The following SLC25A13 variants were observed in gnomAD, a reference collection of about 807,000 sequenced individuals.
SLC25A13 encodes the protein electrogenic aspartate/glutamate antiporter SLC25A13, mitochondrial.
In SLC25A13, 70 loss-of-function variants were observed where a neutral mutation model predicts 85.5. The observed-to-expected ratio is 0.82, with a 90% CI of 0.68 to 1.00. The LOEUF is 1.00. Ranked by LOEUF, SLC25A13 falls within the 50% of genes least tolerant of loss-of-function variation. SLC25A13 has a pLI of 0.00. For synonymous variants in SLC25A13, 259 were observed against 288.7 expected, an observed-to-expected ratio of 0.90 and a Z score of 1.04; for missense variants, 765 against 819.8, an observed-to-expected ratio of 0.93 and a Z score of 0.82.
intron 2 of SLC25A13, among the ~76,000 whole-genome samples, chr7:96,289,812 T>C (rs1199333175): frequency 6.6e-6 from 1 of 151,982 alleles, no homozygotes. Context: ...ATGGGGAGAA[T>C]GAAACCAAGT....
chr7:96,209,064 C>G (rs1382905084), intron 4 of SLC25A13, 87 bp from the exon 5 acceptor site: 1 of 1,344,854 alleles, frequency 7.4e-7, no homozygotes, highest in Non-Finnish European at 1.0e-6. Context: ...ATCGCTTTTT[C>G]TTATTAAAAA....
At chr7:96,222,803 G>T (rs905482280) in intron 4 of SLC25A13, among the ~76,000 whole-genome samples, 1 of 152,114 alleles carries the variant, frequency 6.6e-6, no homozygotes, top group Non-Finnish European at 1.5e-5. Flanking sequence ...ACAGAAAAAT[G>T]TATTTTCCAA....
At chr7:96,239,519 C>T (rs980201128) in intron 3 of SLC25A13, among the ~76,000 whole-genome samples, 1 of 152,076 alleles carries the variant, frequency 6.6e-6, no homozygotes, top group African/African-American at 2.4e-5. Flanking sequence ...TCCTTTTCCA[C>T]CCGCAACTCC....
At position 96,274,409 on chromosome 7, in the gene SLC25A13, C is replaced by A. The variant is rs564357730; in HGVS notation, c.212+2787G>T. On this transcript the variant is annotated intron_variant, in intron 3 of 17. Coordinates refer to ENST00000265631, the MANE Select transcript of SLC25A13 (RefSeq NM_014251.3). The stretch of plus-strand genomic sequence containing the variant: ...GTTCATTGTAGATTCTGGATATTAG[C>A]CCTTTGTCAGATGAGTAGATTGAAA... 3.9e-5 allele frequency among the ~76,000 whole-genome samples: 6 copies of A among 152,140 alleles called. No individual in the cohort carries two copies. The South Asian group carries it at 1.2e-3, about 32-fold the overall frequency.
At chr7:96,179,389 GTCTA>G (rs753777336) in intron 11 of SLC25A13, among the ~76,000 whole-genome samples, 5 of 152,162 alleles carry the variant, frequency 3.3e-5, no homozygotes, top group African/African-American at 7.2e-5. Flanking sequence ...ATACCTACAC[GTCTA>G]TCTTTTTGTC....
At chr7:96,314,131 AAGG>A (rs925984062) in intron 1 of SLC25A13, among the ~76,000 whole-genome samples, 7 of 152,172 alleles carry the variant, frequency 4.6e-5, no homozygotes, top group Admixed American at 1.3e-4. Flanking sequence ...AGGAGGAAGG[AAGG>A]AGGAGAAAGG....
At chr7:96,320,477 T>TTC (rs1800298728) in intron 1 of SLC25A13, among the ~76,000 whole-genome samples, 1 of 152,152 alleles carries the variant, frequency 6.6e-6, no homozygotes, top group Non-Finnish European at 1.5e-5. Context: ...TCTAGGGAAT[T>TTC]AGTTCATACC....
intron 3 of SLC25A13, among the ~76,000 whole-genome samples, chr7:96,253,248 C>T (rs1797504041): frequency 6.6e-6 from 1 of 151,880 alleles, no homozygotes; most frequent in Admixed American, 6.6e-5. Context: ...TGTTTGCCAC[C>T]AGGAAAGATG....
At chr7:96,317,433 T>G (rs765572500) in intron 1 of SLC25A13, among the ~76,000 whole-genome samples, 24 of 152,062 alleles carry the variant, frequency 1.6e-4, no homozygotes, top group South Asian at 8.3e-4. Context: ...GAAACACATT[T>G]GGAACTGAAT....
intron 14 of SLC25A13, among the ~76,000 whole-genome samples, chr7:96,143,011 C>T (rs986637887): frequency 2.6e-5 from 4 of 152,206 alleles, no homozygotes; most frequent in African/African-American, 9.6e-5. Context: ...CAGACAGAGT[C>T]CATATTCCTA....
chr7:96,171,622 A>C, intron 11 of SLC25A13, 98 bp from the exon 12 acceptor site: 1 of 1,019,496 alleles, frequency 9.8e-7, no homozygotes, highest in South Asian at 1.4e-5. Context: ...AAAACTGCTT[A>C]ATCTCTGCTG....
intron 3 of SLC25A13, among the ~76,000 whole-genome samples, chr7:96,254,325 A>G (rs910689469): frequency 1.1e-4 from 17 of 152,158 alleles, no homozygotes; most frequent in Non-Finnish European, 2.5e-4. Flanking sequence ...GAGCTGGAAC[A>G]TGGATCTACT....
At chr7:96,321,773 C>T (rs1800354892) in intron 1 of SLC25A13, among the ~76,000 whole-genome samples, 169 bp downstream of exon 1, 1 of 152,238 alleles carries the variant, frequency 6.6e-6, no homozygotes, top group Admixed American at 6.5e-5. Flanking sequence ...GCCTGTGCTG[C>T]CCGGGAGGAG....
At chr7:96,251,661 T>C (rs980445802) in intron 3 of SLC25A13, among the ~76,000 whole-genome samples, 1 of 152,238 alleles carries the variant, frequency 6.6e-6, no homozygotes. Flanking sequence ...TTGCATTGCA[T>C]CTGAATTTGC....
At chr7:96,159,446 C>T (rs760230899) in intron 13 of SLC25A13, among the ~76,000 whole-genome samples, 147 of 152,178 alleles carry the variant, frequency 9.7e-4, no homozygotes, top group Middle Eastern at 6.8e-3. Context: ...AAGACACAGA[C>T]GACACATGGA....
At chr7:96,269,622 A>G (rs1375145930) in intron 3 of SLC25A13, among the ~76,000 whole-genome samples, 1 of 152,240 alleles carries the variant, frequency 6.6e-6, no homozygotes, top group Non-Finnish European at 1.5e-5. Flanking sequence ...AAATTACAAC[A>G]GGAAAATAAA....
chr7:96,185,586 ACT>A (rs888263987), intron 9 of SLC25A13, among the ~76,000 whole-genome samples: 3 of 146,720 alleles, frequency 2.0e-5, no homozygotes, highest in African/African-American at 7.6e-5. Flanking sequence ...ACAGAGCAAG[ACT>A]CTATCTCAAA....
intron 8 of SLC25A13, 36 bp downstream of exon 8, chr7:96,189,545 C>G: frequency 6.5e-7 from 1 of 1,540,978 alleles, no homozygotes; most frequent in Non-Finnish European, 8.8e-7. Context: ...TTTTATTAAG[C>G]TAATTCCAAA....
intron 1 of SLC25A13, among the ~76,000 whole-genome samples, chr7:96,307,140 TA>T (rs56203026): frequency 2.7e-5 from 4 of 149,098 alleles, no homozygotes; most frequent in Non-Finnish European, 1.5e-5. Context: ...CTTTGTAATT[TA>T]AAAAAAAAAA....
Sources: allele counts gnomAD v4.1 joint callset (sites outside exome capture counted in the v4.1 genomes callset), GRCh38; gene constraint gnomAD v4.1.1; transcripts MANE v1.5; gene names NCBI Gene and HGNC (gene_info 2026-07-23, HGNC 2026-07-21).